Variants in ZFHX3 observed in about 807,000 individuals in gnomAD.
The protein encoded by ZFHX3 is zinc finger homeobox protein 3.
In ZFHX3, 42 loss-of-function variants were observed where a neutral mutation model predicts 279.1. That is an observed-to-expected ratio of 0.15 (90% CI 0.12 to 0.19). The LOEUF (loss-of-function observed/expected upper bound fraction) is 0.19, where lower values mean the gene tolerates loss of function less well. Among genes scored for constraint, ZFHX3 ranks in the 10% least tolerant of loss-of-function variants. The pLI is 1.00. For missense variants in ZFHX3, 4,981 were observed against 4,754.0 expected (o/e 1.05, Z -1.40); for synonymous variants, 2,293 against 1,957.8 (o/e 1.17, Z -4.52).
intron 1 of ZFHX3, among the ~76,000 whole-genome samples, chr16:73,735,043 A>T (rs2053598085): frequency 6.6e-6 from 1 of 152,196 alleles, no homozygotes; most frequent in African/African-American, 2.4e-5. Flanking sequence ...TTATTTTTTT[A>T]AATGGTGATA....
At chr16:72,876,385 T>C (rs764857272) in intron 4 of ZFHX3, among the ~76,000 whole-genome samples, 6 of 152,184 alleles carry the variant, frequency 3.9e-5, no homozygotes, top group Non-Finnish European at 8.8e-5. Context: ...CACAAGTGTC[T>C]GCTGGAACTG....
At chr16:73,258,358 T>TATATATATATATA (rs1567432751) in intron 4 of ZFHX3, among the ~76,000 whole-genome samples, 1 of 150,724 alleles carries the variant, frequency 6.6e-6, no homozygotes, top group African/African-American at 2.5e-5. Flanking sequence ...TATATATATA[T>TATATATATATATA]TTGTTTTCTG....
At chr16:73,099,610 C>G (rs1966206062) in intron 7 of ZFHX3, among the ~76,000 whole-genome samples, 2 of 150,460 alleles carry the variant, frequency 1.3e-5, no homozygotes, top group South Asian at 4.2e-4. Context: ...ACTCAGGAGG[C>G]TGAGGCAGGA....
intron 1 of ZFHX3, among the ~76,000 whole-genome samples, chr16:73,805,798 G>C (rs1378901742): frequency 6.6e-6 from 1 of 152,206 alleles, no homozygotes; most frequent in African/African-American, 2.4e-5. Flanking sequence ...GTGAATAAAA[G>C]GATAGCAGAG....
rs183318672 is a variant in ZFHX3 at position 73,153,111 on chromosome 16, C to T, written c.-1103-9280G>A. ...CTGGTTGTTAGGGAGAGACCCTCTC[C>T]TACCCCTCCAGCCCCACCACCCCAA... On this transcript the variant is annotated intron_variant, in intron 5 of 17. Coordinates refer to the ZFHX3 transcript ENST00000641206. Among the ~76,000 whole-genome samples the T allele has an allele frequency of 9.2e-5, 14 of 152,198 alleles. No individual in the cohort carries two copies. In the East Asian group the frequency reaches 2.7e-3, roughly 29 times the overall value.
At chr16:72,811,852 C>T in intron 6 of ZFHX3, 53 bp downstream of exon 6, 3 of 1,407,718 alleles carry the variant, frequency 2.1e-6, no homozygotes, top group Non-Finnish European at 2.9e-6. Context: ...TTGTTCCCTA[C>T]CAATGTCTAA....
chr16:72,890,711 T>G (rs954308665), intron 3 of ZFHX3, among the ~76,000 whole-genome samples: 1 of 152,228 alleles, frequency 6.6e-6, no homozygotes, highest in Non-Finnish European at 1.5e-5. Context: ...CTCTAAAGTG[T>G]CCTGCTCTTG....
intron 3 of ZFHX3, among the ~76,000 whole-genome samples, chr16:73,388,512 G>C (rs1052103438): frequency 1.3e-5 from 2 of 152,156 alleles, no homozygotes; most frequent in Non-Finnish European, 1.5e-5. Context: ...GAAATATCCT[G>C]TTTAAAATGA....
intron 2 of ZFHX3, among the ~76,000 whole-genome samples, chr16:73,644,261 A>G (rs1410976787): frequency 6.6e-6 from 1 of 152,154 alleles, no homozygotes; most frequent in Non-Finnish European, 1.5e-5. Flanking sequence ...GCTCCAGGGC[A>G]TAGTTCCCTG....
intron 1 of ZFHX3, among the ~76,000 whole-genome samples, chr16:72,964,598 C>A (rs1961740904): frequency 6.6e-6 from 1 of 150,576 alleles, no homozygotes; most frequent in Non-Finnish European, 1.5e-5. Context: ...CCCAGGAGTT[C>A]AAGGCTGCAG....
chr16:73,305,269 C>T (rs1018169517), intron 4 of ZFHX3, among the ~76,000 whole-genome samples: 1 of 152,050 alleles, frequency 6.6e-6, no homozygotes, highest in Non-Finnish European at 1.5e-5. Context: ...GAAGGGGTCT[C>T]TTACTAGGTA....
chr16:73,700,451 A>G (rs1226148105), intron 1 of ZFHX3, among the ~76,000 whole-genome samples: 1 of 152,248 alleles, frequency 6.6e-6, no homozygotes, highest in African/African-American at 2.4e-5. Context: ...GTGTTACTTA[A>G]TGAATGGCAA....
rs752001880 is a variant in ZFHX3 at position 73,507,485 on chromosome 16, CTTTT to C, written c.-1546-51231_-1546-51228del. Among the ~76,000 whole-genome samples, 240 of 79,772 alleles carry C rather than the reference CTTTT, an allele frequency of 3.0e-3. 2 individuals carry two copies. The highest frequency in any genetic ancestry group is 0.012 in the African/African-American group (197 of 16,262). 52.3% of individuals were successfully genotyped at this position (79,772 alleles called of 152,430 possible). A position where few individuals can be genotyped will look rare whatever the true frequency, so the allele number is the denominator to read the frequency against. ...AAATGCGTGAAATTCAGCTCTGCCA[CTTTT>C]TTTTTTTTTTTTTTTTTTTTTTTTG... On this transcript the variant is annotated intron_variant, in intron 2 of 17. Coordinates refer to the ZFHX3 transcript ENST00000641206.
In ZFHX3 at chr16:73,578,988, G is replaced by T. The variant is rs530187674; in HGVS notation, c.-1547+101192C>A. On this transcript the variant is annotated intron_variant, in intron 2 of 17. Coordinates refer to the ZFHX3 transcript ENST00000641206. ...GAGAAGGGAGAGCCGGACATGCCTCGTTACACTCTCCTCCCATTTGGAATT... is the reference window on the plus strand; with the variant it reads ...GAGAAGGGAGAGCCGGACATGCCTCTTTACACTCTCCTCCCATTTGGAATT... Among the ~76,000 whole-genome samples, 17 of 152,214 alleles carry T rather than the reference G, an allele frequency of 1.1e-4. No individual in the cohort carries two copies. In the South Asian group the frequency reaches 3.3e-3, roughly 30 times the overall value.
chr16:73,665,402 C>CG (rs1468649061), intron 2 of ZFHX3, among the ~76,000 whole-genome samples: 1 of 150,690 alleles, frequency 6.6e-6, no homozygotes, highest in African/African-American at 2.5e-5. Flanking sequence ...TTAGTAGAGA[C>CG]GGGGTTCCAC....
Position 72,811,979 on chromosome 16 carries a change from A to G in ZFHX3, c.3589T>C (p.Ser1197Pro), listed in dbSNP as rs2036466659. 1 of 1,613,982 alleles carries G rather than the reference A, an allele frequency of 6.2e-7. No homozygotes were observed. Among genetic ancestry groups the G allele is most frequent in the Admixed American group, 1.7e-5 (1 of 59,990 alleles). The change falls in exon 6 of 10, where the codon TCC becomes CCC. Residue 1197 changes from serine (S) to proline (P), a missense_variant. By Grantham distance (74) the Ser-to-Pro change is moderately conservative. Around this residue, in one of 7 missense-constraint regions of ZFHX3, gnomAD observed 1,751 missense variants for 1,770.0 expected, o/e 0.99. Coordinates refer to ENST00000268489, the MANE Select transcript of ZFHX3 (RefSeq NM_006885.4). ...TDSPATSKRI[S>P]FPGSSESPLS... Reference sequence around the variant, plus strand: ...GGAGACTCTGAGCTACCTGGGAAGGAGATGCGTTTGGAGGTTGCAGGAGAA... The same window carrying G: ...GGAGACTCTGAGCTACCTGGGAAGGGGATGCGTTTGGAGGTTGCAGGAGAA...
chr16:73,109,307 A>C (rs769328067), intron 7 of ZFHX3, among the ~76,000 whole-genome samples: 2 of 152,096 alleles, frequency 1.3e-5, no homozygotes, highest in African/African-American at 2.4e-5. Flanking sequence ...TTTTTCACCC[A>C]ACAGTCCATC....
intron 2 of ZFHX3, among the ~76,000 whole-genome samples, chr16:73,624,987 G>C (rs1438391573): frequency 6.6e-6 from 1 of 152,216 alleles, no homozygotes; most frequent in African/African-American, 2.4e-5. Context: ...GGGCCCAGAA[G>C]ATGGACAAAT....
At chr16:73,775,312 G>A (rs1410088318) in intron 1 of ZFHX3, among the ~76,000 whole-genome samples, 2 of 152,080 alleles carry the variant, frequency 1.3e-5, no homozygotes, top group Non-Finnish European at 2.9e-5. Flanking sequence ...TTCTTAGTGA[G>A]GCCATCCTAT....
Sources: allele counts gnomAD v4.1 joint callset (sites outside exome capture counted in the v4.1 genomes callset), GRCh38; gene constraint gnomAD v4.1.1; regional missense constraint gnomAD v4.1.1; transcripts MANE v1.5; gene names NCBI Gene and HGNC (gene_info 2026-07-23, HGNC 2026-07-21).